The following NOMO3 variants were observed in gnomAD, a reference collection of about 807,000 sequenced individuals.
The protein encoded by NOMO3 is BOS complex subunit NOMO3.
A neutral mutation model predicts 69.9 loss-of-function variants in NOMO3; 15 were observed. The ratio of observed to expected loss-of-function variants is 0.21; its 90% CI spans 0.14 to 0.33. The LOEUF (loss-of-function observed/expected upper bound fraction) is 0.33, where lower values mean the gene tolerates loss of function less well. Among genes scored for constraint, NOMO3 ranks in the 10% least tolerant of loss-of-function variants. NOMO3 has a pLI of 1.00. For missense variants in NOMO3, 218 were observed against 761.0 expected, an observed-to-expected ratio of 0.29 and a Z score of 8.39; for synonymous variants, 89 against 301.9, an observed-to-expected ratio of 0.29 and a Z score of 7.31.
intron 1 of NOMO3, among the ~76,000 whole-genome samples, chr16:16,236,619 C>A (rs975095210): frequency 2.8e-5 from 4 of 144,624 alleles, no homozygotes; most frequent in African/African-American, 1.1e-4. Flanking sequence ...CGGAAACTTA[C>A]ACGAGCAACC....
rs201750993 is a variant in NOMO3, at chr16:16,270,581, A to G, written c.1959-152A>G. The G allele has an allele frequency of 4.3e-4, 10 of 23,126 alleles. No individual in the cohort carries two copies. The East Asian group carries it at 0.015, about 35-fold the overall frequency. The allele number at this position is 23,126 out of a possible 1,614,324, so 1.4% of individuals were successfully genotyped here. On this transcript the variant is annotated intron_variant, in intron 17 of 30. Coordinates refer to ENST00000399336, the MANE Select transcript of NOMO3 (RefSeq NM_001004067.4). ...GTGGAGAATTAGTTTACTCTTTAAA[A>G]TACTTCTCTGGATCTCCAGAGTTAT...
chr16:16,242,201 T>TTGTGTGTG (rs71276168), intron 3 of NOMO3, among the ~76,000 whole-genome samples: 1 of 99,358 alleles, frequency 1.0e-5, no homozygotes, highest in Non-Finnish European at 1.9e-5. Context: ...ATTGGAGTCT[T>TTGTGTGTG]TGTGTGTGTG....
Position 16,255,029 on chromosome 16 carries a change from C to T in NOMO3, c.964-691C>T, listed in dbSNP as rs186668873. 6.1e-3 allele frequency among the ~76,000 whole-genome samples: 887 copies of T among 144,304 alleles called. 46 individuals carry two copies. Among genetic ancestry groups the T allele is most frequent in the Middle Eastern group, 0.031 (9 of 290 alleles). 94.7% of individuals were successfully genotyped at this position (144,304 alleles called of 152,430 possible). A position where few individuals can be genotyped will look rare whatever the true frequency, so the allele number is the denominator to read the frequency against. On this transcript the variant is annotated intron_variant, in intron 9 of 30. Transcript: ENST00000399336. ...CCGAGTTGAAGTGATTCTCCTGCCT[C>T]AGCCTCCCGAGTAGCTGGGATTACA...
intron 5 of NOMO3, among the ~76,000 whole-genome samples, chr16:16,246,291 A>T (rs1174165200): frequency 3.1e-4 from 42 of 135,146 alleles, no homozygotes; most frequent in Middle Eastern, 7.2e-3. Flanking sequence ...TCAGTAAGTT[A>T]TTCAATTTTA....
chr16:16,243,098 C>G, intron 3 of NOMO3, 63 bp from the exon 4 acceptor site: 1 of 641,664 alleles, frequency 1.6e-6, no homozygotes, highest in Non-Finnish European at 2.6e-6. Context: ...GTTCACTGTA[C>G]CCCAAAACTA....
At chr16:16,258,428 C>T (rs1193664111) in intron 11 of NOMO3, among the ~76,000 whole-genome samples, 1 of 136,710 alleles carries the variant, frequency 7.3e-6, no homozygotes, top group Non-Finnish European at 1.5e-5. Context: ...GCAGCATGCT[C>T]AGAGGCCTGC....
chr16:16,239,314 C>A (rs2049356421), intron 2 of NOMO3, among the ~76,000 whole-genome samples: 1 of 143,042 alleles, frequency 7.0e-6, no homozygotes, highest in African/African-American at 2.8e-5. Context: ...CCACACCCAG[C>A]TAATTTTTTA....
At chr16:16,254,259 C>T (rs2049490676) in intron 9 of NOMO3, among the ~76,000 whole-genome samples, 1 of 141,676 alleles carries the variant, frequency 7.1e-6, no homozygotes, top group Admixed American at 6.8e-5. Context: ...GGAATGGGGC[C>T]CTGTAAGTTC....
At chr16:16,259,289 T>A (rs1458792987) in intron 11 of NOMO3, among the ~76,000 whole-genome samples, 1 of 144,840 alleles carries the variant, frequency 6.9e-6, no homozygotes, top group African/African-American at 2.8e-5. Flanking sequence ...CTCTTTTTTT[T>A]AATTGGCCGA....
Position 16,260,521 on chromosome 16 carries a change from A to G in NOMO3, c.1221-981A>G, listed in dbSNP as rs2049554863. Among the ~76,000 whole-genome samples, 2 of 143,342 alleles carry G rather than the reference A, an allele frequency of 1.4e-5. 1 individual carries two copies. Among genetic ancestry groups the G allele is most frequent in the African/African-American group, 5.8e-5 (2 of 34,728 alleles). The allele number at this position is 143,342 out of a possible 152,430, so 94.0% of individuals were successfully genotyped here. A position where few individuals can be genotyped will look rare whatever the true frequency, so the allele number is the denominator to read the frequency against. The stretch of plus-strand genomic sequence containing the variant: ...GTTTTTCATAATTCCTAGATTTCAC[A>G]TACACAATCTTCCACCATTTCCTTG... On this transcript the variant is annotated intron_variant, in intron 11 of 30. Coordinates refer to ENST00000399336, the MANE Select transcript of NOMO3 (RefSeq NM_001004067.4).
chr16:16,236,559 T>C (rs2049328680), intron 1 of NOMO3, among the ~76,000 whole-genome samples: 1 of 144,848 alleles, frequency 6.9e-6, no homozygotes, highest in Non-Finnish European at 1.5e-5. Context: ...GGAATTTGCA[T>C]GTTAATAAGC....
intron 9 of NOMO3, among the ~76,000 whole-genome samples, chr16:16,253,318 G>C (rs1170861668): frequency 7.1e-6 from 1 of 141,190 alleles, no homozygotes; most frequent in African/African-American, 3.1e-5. Context: ...CCCTGTGAAG[G>C]TGACATTTGA....
chr16:16,240,457 G>T (rs878902634), intron 3 of NOMO3, among the ~76,000 whole-genome samples: 1 of 145,490 alleles, frequency 6.9e-6, no homozygotes, highest in Non-Finnish European at 1.5e-5. Flanking sequence ...GGTACTTGGA[G>T]GATTAATAAA....
chr16:16,262,915 T>C (rs1334676532), intron 12 of NOMO3, among the ~76,000 whole-genome samples, 159 bp from the exon 13 acceptor site: 8 of 143,232 alleles, frequency 5.6e-5, no homozygotes, highest in Admixed American at 6.7e-5. Context: ...ACACAAGTTA[T>C]TCGTGGATTT....
intron 4 of NOMO3, among the ~76,000 whole-genome samples, chr16:16,243,555 C>G (rs890170220): frequency 7.0e-6 from 1 of 142,736 alleles, no homozygotes; most frequent in Non-Finnish European, 1.5e-5. Context: ...ATTGCCCAGG[C>G]TGGAGTGCAG....
At chr16:16,262,708 G>A (rs1346409170) in intron 12 of NOMO3, among the ~76,000 whole-genome samples, 1 of 138,064 alleles carries the variant, frequency 7.2e-6, no homozygotes, top group Non-Finnish European at 1.5e-5. Flanking sequence ...CATCCACATA[G>A]TGTTGACAGG....
At chr16:16,264,815 T>C (rs1277753538) in intron 14 of NOMO3, among the ~76,000 whole-genome samples, 1 of 136,454 alleles carries the variant, frequency 7.3e-6, no homozygotes, top group Non-Finnish European at 1.5e-5. Flanking sequence ...CCCAGAGTGC[T>C]GGGATTATAG....
Position 16,254,816 on chromosome 16 carries a change from A to C in NOMO3, c.964-904A>C, listed in dbSNP as rs560333926. 1.1e-3 allele frequency among the ~76,000 whole-genome samples: 156 copies of C among 145,274 alleles called. 14 individuals carry two copies. Among genetic ancestry groups the C allele is most frequent in the Middle Eastern group, 0.01 (3 of 292 alleles). ...AACTCAGTAACTGCAGAGAAAGCAC[A>C]GCTGTGCTGCTCACAGGCGAGTGGG... On this transcript the variant is annotated intron_variant, in intron 9 of 30. Transcript: ENST00000399336.
chr16:16,269,016 G>A (rs933573876), intron 16 of NOMO3, among the ~76,000 whole-genome samples: 1 of 139,456 alleles, frequency 7.2e-6, no homozygotes, highest in Admixed American at 6.9e-5. Context: ...ACATAACCAG[G>A]GTTTGTTCTC....
Sources: allele counts gnomAD v4.1 joint callset (sites outside exome capture counted in the v4.1 genomes callset), GRCh38; gene constraint gnomAD v4.1.1; transcripts MANE v1.5; gene names NCBI Gene and HGNC (gene_info 2026-07-23, HGNC 2026-07-21).